Variants in DEAF1 observed in about 807,000 individuals in gnomAD.
DEAF1 encodes DEAF1 transcription factor, also known as deformed epidermal autoregulatory factor 1 homolog.
In DEAF1, 53 loss-of-function variants were observed where a neutral mutation model predicts 58.9. The ratio of observed to expected loss-of-function variants is 0.90; its 90% CI spans 0.72 to 1.13. The LOEUF (loss-of-function observed/expected upper bound fraction) is 1.13, where lower values mean the gene tolerates loss of function less well. DEAF1 is among the 50% of genes most tolerant of loss of function. The pLI, the probability that DEAF1 is intolerant of heterozygous loss-of-function variation, is 0.00. For synonymous variants in DEAF1, 385 were observed against 340.4 expected, an observed-to-expected ratio of 1.13 and a Z score of -1.44; for missense variants, 685 against 791.4, an observed-to-expected ratio of 0.87 and a Z score of 1.61.
chr11:648,363 T>G (rs12273585), intron 11 of DEAF1, among the ~76,000 whole-genome samples: 2 of 151,600 alleles, frequency 1.3e-5, no homozygotes, highest in Non-Finnish European at 2.9e-5. Flanking sequence ...CCAAGCTAAT[T>G]TTTTTGTATT....
chr11:699,930 G>C, upstream of DEAF1: 1 of 554,640 alleles, frequency 1.8e-6, no homozygotes, highest in African/African-American at 1.9e-5. Flanking sequence ...CATGGAGGGG[G>C]GTCCCACAAA....
chr11:679,022 T>TA (rs146192774), intron 8 of DEAF1, among the ~76,000 whole-genome samples, 200 bp from the exon 9 acceptor site: 1 of 151,966 alleles, frequency 6.6e-6, no homozygotes, highest in Non-Finnish European at 1.5e-5. Flanking sequence ...AAATAGATTA[T>TA]AAAAATCAGG....
Position 679,829 on chromosome 11 carries a change from A to C in DEAF1, c.998-13T>G. 1.2e-6 allele frequency: 2 copies of C among 1,612,894 alleles called. No individual in the cohort carries two copies. The highest frequency in any genetic ancestry group is 1.7e-6 in the Non-Finnish European group (2 of 1,180,026). On this transcript the variant is annotated splice_polypyrimidine_tract_variant and intron_variant, in intron 7 of 11. Transcript: ENST00000382409. Reference sequence around the variant, plus strand: ...GGGGTCACGGTGACTGGAAAGGCAGAAGCACATTTCACGCGGCCAGGCAGT... The same window carrying C: ...GGGGTCACGGTGACTGGAAAGGCAGCAGCACATTTCACGCGGCCAGGCAGT...
At position 644,425 on chromosome 11, in the gene DEAF1, A is replaced by T. The variant is rs1285767482; in HGVS notation, c.*125T>A. ...AAAGTGTGTTAATGACTTGTCCAGCAAGTTTCTTTACCTTCCCACACCCCT... is the reference window on the plus strand; with the variant it reads ...AAAGTGTGTTAATGACTTGTCCAGCTAGTTTCTTTACCTTCCCACACCCCT... On this transcript the variant is annotated 3_prime_UTR_variant, in exon 12 of 12. Coordinates refer to ENST00000382409, the MANE Select transcript of DEAF1 (RefSeq NM_021008.4). The surrounding 1 kb of genome is among the most constrained non-coding windows in gnomAD (Gnocchi z 4.3). 1.3e-6 allele frequency: 1 copy of T among 753,500 alleles called. No homozygotes were observed. The highest frequency in any genetic ancestry group is 1.7e-5 in the African/African-American group (1 of 58,014). The allele number at this position is 753,500 out of a possible 1,614,324, so 46.7% of individuals were successfully genotyped here. A position where few individuals can be genotyped will look rare whatever the true frequency, so the allele number is the denominator to read the frequency against.
chr11:679,910 C>T, intron 7 of DEAF1, 94 bp from the exon 8 acceptor site: 3 of 1,566,734 alleles, frequency 1.9e-6, no homozygotes, highest in Non-Finnish European at 2.6e-6. Context: ...CTTGTGGGGG[C>T]CTGGGCTGAA....
chr11:695,826 A>G (rs999127499), upstream of DEAF1: 23 of 1,230,886 alleles, frequency 1.9e-5, no homozygotes, highest in Non-Finnish European at 2.2e-5. Flanking sequence ...GGGGCGGGTA[A>G]GATGGCGGCC....
intron 1 of DEAF1, 110 bp downstream of exon 1, chr11:694,649 T>C: frequency 9.6e-7 from 1 of 1,037,178 alleles, no homozygotes; most frequent in Non-Finnish European, 1.2e-6. Flanking sequence ...GTGGAGCAGG[T>C]GTGAGGGACA....
At chr11:677,230 A>G (rs28488172) in intron 9 of DEAF1, among the ~76,000 whole-genome samples, 111,409 of 151,658 alleles carry the variant, frequency 0.73, 41,475 homozygotes, top group East Asian at 0.93. Context: ...TTAAACAGGT[A>G]AGCCACACGC....
chr11:685,347 G>A (rs558157492), intron 5 of DEAF1, among the ~76,000 whole-genome samples: 2 of 152,278 alleles, frequency 1.3e-5, no homozygotes, highest in African/African-American at 4.8e-5. Flanking sequence ...GCCTCCCGAA[G>A]TGCTGGGATT....
chr11:686,035 C>A (rs2133398704), intron 5 of DEAF1, among the ~76,000 whole-genome samples: 1 of 151,228 alleles, frequency 6.6e-6, no homozygotes, highest in Admixed American at 6.6e-5. Flanking sequence ...GTAATCCCAG[C>A]ACTTTGGGAG....
At position 683,402 on chromosome 11, in the gene DEAF1, C is replaced by A. The variant is rs996775095; in HGVS notation, c.870+1496G>T. Among the ~76,000 whole-genome samples the A allele has an allele frequency of 5.9e-5, 9 of 152,156 alleles. No homozygotes were observed. In the East Asian group the frequency reaches 7.7e-4, roughly 13 times the overall value. Reference sequence around the variant, plus strand: ...TTGTCTCTGCTGATGAACGTCCTGTCACTCCAAGGCCATTTGCTGGAGTCT... The same window carrying A: ...TTGTCTCTGCTGATGAACGTCCTGTAACTCCAAGGCCATTTGCTGGAGTCT... On this transcript the variant is annotated intron_variant, in intron 6 of 11. Coordinates refer to ENST00000382409, the MANE Select transcript of DEAF1 (RefSeq NM_021008.4).
intron 1 of DEAF1, chr11:704,327 C>A: frequency 1.3e-6 from 1 of 791,552 alleles, no homozygotes; most frequent in Non-Finnish European, 1.8e-6. Flanking sequence ...GCTCCCTCGG[C>A]TGGGGTGGCT....
chr11:655,034 G>A (rs1858977281), intron 10 of DEAF1, among the ~76,000 whole-genome samples: 1 of 151,398 alleles, frequency 6.6e-6, no homozygotes, highest in South Asian at 2.1e-4. Flanking sequence ...GGGCGACAGA[G>A]CAAGACTGTC....
At chr11:684,501 G>A (rs1301537307) in intron 6 of DEAF1, among the ~76,000 whole-genome samples, 9 of 151,720 alleles carry the variant, frequency 5.9e-5, no homozygotes, top group Admixed American at 1.3e-4. Context: ...TCAAAAAGGC[G>A]TTAAAAGCTC....
Position 695,172 on chromosome 11 carries a change from G to T in DEAF1, c.-125C>A. ...CCGAGGCCGCCCGAAGCCGCCGCCC[G>T]AATAGGGACCGAAAAGGCAGCCAGC... is the stretch of plus-strand genomic sequence containing the variant. On this transcript the variant is annotated 5_prime_UTR_variant, in exon 1 of 12. Transcript: ENST00000382409. 1.1e-6 allele frequency: 1 copy of T among 898,732 alleles called. No individual in the cohort carries two copies. Among genetic ancestry groups the T allele is most frequent in the Non-Finnish European group, 1.5e-6 (1 of 664,972 alleles). 55.7% of individuals were successfully genotyped at this position (898,732 alleles called of 1,614,324 possible).
chr11:672,131 G>GA (rs1859856799), intron 10 of DEAF1, among the ~76,000 whole-genome samples: 2 of 152,170 alleles, frequency 1.3e-5, no homozygotes, highest in Admixed American at 6.6e-5. Flanking sequence ...AGGTCCTGGG[G>GA]AAACTACACA....
At position 695,177 on chromosome 11, in the gene DEAF1, G is replaced by C. The variant is rs1413721952; in HGVS notation, c.-130C>G. 11 of 870,332 alleles carry C rather than the reference G, an allele frequency of 1.3e-5. No individual in the cohort carries two copies. Among genetic ancestry groups the C allele is most frequent in the Non-Finnish European group, 1.7e-5 (11 of 641,446 alleles). 53.9% of individuals were successfully genotyped at this position (870,332 alleles called of 1,614,324 possible). On this transcript the variant is annotated 5_prime_UTR_variant, in exon 1 of 12. Transcript: ENST00000382409. Reference sequence around the variant, plus strand: ...GCCGCCCGAAGCCGCCGCCCGAATAGGGACCGAAAAGGCAGCCAGCCGCCG... The same window carrying C: ...GCCGCCCGAAGCCGCCGCCCGAATACGGACCGAAAAGGCAGCCAGCCGCCG...
intron 10 of DEAF1, among the ~76,000 whole-genome samples, chr11:671,759 C>T (rs376858089): frequency 1.4e-5 from 2 of 147,740 alleles, no homozygotes; most frequent in East Asian, 2.0e-4. Context: ...GGCATGCACC[C>T]GTATTTCCAG....
intron 2 of DEAF1, among the ~76,000 whole-genome samples, chr11:689,485 A>AGC (rs1860741769): frequency 6.6e-6 from 1 of 152,006 alleles, no homozygotes; most frequent in African/African-American, 2.4e-5. Context: ...TGCTGGGATT[A>AGC]CAGGCAGGAG....
Sources: allele counts gnomAD v4.1 joint callset (sites outside exome capture counted in the v4.1 genomes callset), GRCh38; gene constraint gnomAD v4.1.1; non-coding constraint Gnocchi (gnomAD v3.1); transcripts MANE v1.5; gene names NCBI Gene and HGNC (gene_info 2026-07-23, HGNC 2026-07-21).